Variants in RCAN3 observed in about 807,000 individuals in gnomAD.
RCAN3 encodes calcipressin-3.
A neutral mutation model predicts 21.9 loss-of-function variants in RCAN3; 19 were observed. That is an observed-to-expected ratio of 0.87 (90% CI 0.61 to 1.27). The LOEUF is 1.27. Among genes scored for constraint, RCAN3 ranks in the 50% most tolerant of loss-of-function variants. The probability of loss-of-function intolerance (pLI) is 0.00; values close to 1 mark genes in which losing one functional copy is unlikely to be tolerated. For missense variants in RCAN3, 240 were observed against 300.1 expected (o/e 0.80, Z 1.48); for synonymous variants, 114 against 112.3 (o/e 1.01, Z -0.09).
intron 2 of RCAN3, among the ~76,000 whole-genome samples, chr1:24,522,152 T>C (rs9424378): frequency 0.07 from 10,597 of 152,236 alleles, 1,180 homozygotes; most frequent in African/African-American, 0.23. Context: ...ATACCAAGAA[T>C]ATATTTTTAA....
At chr1:24,528,681 A>C (rs980450026) in intron 2 of RCAN3, among the ~76,000 whole-genome samples, 1 of 152,230 alleles carries the variant, frequency 6.6e-6, no homozygotes, top group Admixed American at 6.5e-5. Context: ...GCTTGTATGC[A>C]CATGATAACT....
At chr1:24,530,379 A>AAAAG (rs869086939) in intron 2 of RCAN3, among the ~76,000 whole-genome samples, 5 of 143,046 alleles carry the variant, frequency 3.5e-5, no homozygotes, top group African/African-American at 1.3e-4. Flanking sequence ...AAAAAAAAAA[A>AAAAG]GACAGTCACA....
In RCAN3 at chr1:24,502,937, G is replaced by A. The variant is rs1647203239; in HGVS notation, c.-273G>A. The A allele has an allele frequency of 6.7e-6, 1 of 149,952 alleles. No homozygotes were observed. Among genetic ancestry groups the A allele is most frequent in the Non-Finnish European group, 1.5e-5 (1 of 67,186 alleles). 9.3% of individuals were successfully genotyped at this position (149,952 alleles called of 1,614,324 possible). A position where few individuals can be genotyped will look rare whatever the true frequency, so the allele number is the denominator to read the frequency against. On this transcript the variant is annotated 5_prime_UTR_variant, in exon 1 of 5. Coordinates refer to ENST00000374395, the MANE Select transcript of RCAN3 (RefSeq NM_013441.4). Reference sequence around the variant, plus strand: ...GGGGGCCGCTCTCGCCGGCGTCGAGGGCGTGGCGGCGAGGCTGCTGCTGCA... The same window carrying A: ...GGGGGCCGCTCTCGCCGGCGTCGAGAGCGTGGCGGCGAGGCTGCTGCTGCA...
At chr1:24,509,886 G>A (rs1369937547) in intron 1 of RCAN3, among the ~76,000 whole-genome samples, 1 of 152,284 alleles carries the variant, frequency 6.6e-6, no homozygotes, top group East Asian at 1.9e-4. Context: ...AGTAAGACTT[G>A]AAAGTCAAAG....
At chr1:24,524,740 T>C (rs942601963) in intron 2 of RCAN3, among the ~76,000 whole-genome samples, 3 of 152,020 alleles carry the variant, frequency 2.0e-5, no homozygotes, top group South Asian at 2.1e-4. Flanking sequence ...CTTAGGATGC[T>C]AAAGATAATT....
At chr1:24,510,764 T>A (rs1422049392) in intron 1 of RCAN3, among the ~76,000 whole-genome samples, 1 of 152,190 alleles carries the variant, frequency 6.6e-6, no homozygotes, top group East Asian at 1.9e-4. Context: ...ACTTGACTGA[T>A]TGGTGCAAGA....
At position 24,531,202 on chromosome 1, in the gene RCAN3, T is replaced by A; in HGVS notation, c.196-16T>A. On this transcript the variant is annotated splice_polypyrimidine_tract_variant and intron_variant, in intron 2 of 4. Coordinates refer to ENST00000374395, the MANE Select transcript of RCAN3 (RefSeq NM_013441.4). ...TTTCCTCCCCTTCCCTTTGCCTTGC[T>A]GCTCCTTAATTGTAGGAAAGATTTG... 1 of 1,479,020 alleles carries A rather than the reference T, an allele frequency of 6.8e-7. No homozygotes were observed. The highest frequency in any genetic ancestry group is 9.0e-7 in the Non-Finnish European group (1 of 1,105,710). The allele number at this position is 1,479,020 out of a possible 1,614,324, so 91.6% of individuals were successfully genotyped here. A position where few individuals can be genotyped will look rare whatever the true frequency, so the allele number is the denominator to read the frequency against.
chr1:24,502,608 GAGA>G (rs1020349700), upstream of RCAN3: 2 of 152,752 alleles, frequency 1.3e-5, no homozygotes, highest in Non-Finnish European at 2.9e-5. Context: ...GGTGGAAAAC[GAGA>G]AGGTCGCCAG....
chr1:24,521,878 A>G (rs543176055), intron 2 of RCAN3, among the ~76,000 whole-genome samples: 13 of 151,376 alleles, frequency 8.6e-5, no homozygotes, highest in African/African-American at 3.2e-4. Context: ...AATTTTTTTA[A>G]AAAAGAAAAT....
intron 2 of RCAN3, among the ~76,000 whole-genome samples, chr1:24,517,084 G>GTTTTTTT (rs11372088): frequency 6.8e-6 from 1 of 146,864 alleles, no homozygotes; most frequent in African/African-American, 2.5e-5. Flanking sequence ...CTATTTTTTT[G>GTTTTTTT]TTTTTTTTTG....
chr1:24,505,223 CTCTTTTTTCTTTTT>C, intron 1 of RCAN3, among the ~76,000 whole-genome samples: 1 of 84,694 alleles, frequency 1.2e-5, no homozygotes, highest in South Asian at 3.7e-4. Flanking sequence ...TTTTTTTTTT[CTCTTTTTTCTTTTT>C]TTTTTTTTTT....
intron 1 of RCAN3, among the ~76,000 whole-genome samples, chr1:24,512,729 TTGTC>T (rs1315571548): frequency 5.3e-5 from 8 of 152,322 alleles, no homozygotes; most frequent in African/African-American, 1.9e-4. Context: ...ATCACTTAGT[TTGTC>T]TGTGCCTGCT....
chr1:24,533,295 C>CT, intron 4 of RCAN3, 41 bp downstream of exon 4: 1 of 1,457,216 alleles, frequency 6.9e-7, no homozygotes, highest in Non-Finnish European at 9.2e-7. Context: ...CCCCAAGAAA[C>CT]TTTTGTATTG....
chr1:24,529,227 T>C (rs1204329520), intron 2 of RCAN3, among the ~76,000 whole-genome samples: 1 of 149,138 alleles, frequency 6.7e-6, no homozygotes, highest in East Asian at 2.0e-4. Context: ...GGCAAGACAT[T>C]GAGACTGTGT....
intron 2 of RCAN3, among the ~76,000 whole-genome samples, chr1:24,526,844 T>G (rs1649312226): frequency 6.6e-6 from 1 of 152,172 alleles, no homozygotes; most frequent in African/African-American, 2.4e-5. Context: ...TTGCAAAATC[T>G]CAATTCTAAT....
At chr1:24,534,737 T>C (rs1347885000) in intron 4 of RCAN3, among the ~76,000 whole-genome samples, 1 of 152,176 alleles carries the variant, frequency 6.6e-6, no homozygotes, top group African/African-American at 2.4e-5. Flanking sequence ...GAGGCAGAAG[T>C]TGGAGTGAGC....
In RCAN3 at chr1:24,514,388, A is replaced by G. The variant is rs762249423; in HGVS notation, c.16A>G (p.Met6Val). 19 of 1,613,476 alleles carry G rather than the reference A, an allele frequency of 1.2e-5. No individual in the cohort carries two copies. The highest frequency in any genetic ancestry group is 1.7e-5 in the Admixed American group (1 of 59,964). MLRDT[M>V]KSWNDSQSDL... Reference sequence around the variant, plus strand: ...TTGGGGGATAATGCTGAGGGACACTATGAAATCTTGGAATGATAGCCAGTC... The same window carrying G: ...TTGGGGGATAATGCTGAGGGACACTGTGAAATCTTGGAATGATAGCCAGTC... Residue 6 changes from methionine (M) to valine (V), a missense_variant, in exon 2 of 5, where the codon ATG becomes GTG. Transcript: ENST00000374395.
At position 24,540,414 on chromosome 1, in the gene RCAN3, G is replaced by A. The variant is rs1189840560; in HGVS notation, c.*5137G>A. On this transcript the variant is annotated 3_prime_UTR_variant, in exon 5 of 5. Transcript: ENST00000374395. ...ACTCTTGGCACTCCTGCATAGCTTT[G>A]ACCGAATGTTCACTCTCATCGTAAT... 1 of 152,172 alleles carries A rather than the reference G, an allele frequency of 6.6e-6. No homozygotes were observed. Among genetic ancestry groups the A allele is most frequent in the African/African-American group, 2.4e-5 (1 of 41,406 alleles). The allele number at this position is 152,172 out of a possible 1,614,324, so 9.4% of individuals were successfully genotyped here.
chr1:24,506,242 G>A lies in RCAN3; in HGVS notation c.-60+3092G>A, dbSNP rs182353537. ...TAATTATACCACTGCACTCTAGCCC[G>A]CATGACAGAGACCCTGTCTCTAAAA... On this transcript the variant is annotated intron_variant, in intron 1 of 4. Coordinates refer to ENST00000374395, the MANE Select transcript of RCAN3 (RefSeq NM_013441.4). Among the ~76,000 whole-genome samples, 635 of 152,136 alleles carry A rather than the reference G, an allele frequency of 4.2e-3. 5 individuals are homozygous for A. The highest frequency in any genetic ancestry group is 0.014 in the African/African-American group (591 of 41,498).
Sources: gnomAD v4.1 joint callset for allele counts (sites outside exome capture counted in the v4.1 genomes callset) on GRCh38, gnomAD v4.1.1 for gene constraint, MANE v1.5 for transcripts, NCBI Gene and HGNC (gene_info 2026-07-23, HGNC 2026-07-21) for gene names.